Variants in PPP6R1 observed in about 807,000 individuals in gnomAD.
PPP6R1 encodes serine/threonine-protein phosphatase 6 regulatory subunit 1.
PPP6R1 carries 39 observed loss-of-function variants against 104.6 expected under a neutral mutation model. That is an observed-to-expected ratio of 0.37 (90% CI 0.29 to 0.49). The LOEUF is 0.49. PPP6R1 is among the 20% of genes least tolerant of loss of function. The probability of loss-of-function intolerance (pLI) is 0.98; values close to 1 mark genes in which losing one functional copy is unlikely to be tolerated. For missense variants in PPP6R1, 1,181 were observed against 1,155.8 expected (o/e 1.02, Z -0.32); for synonymous variants, 549 against 479.0 (o/e 1.15, Z -1.91).
rs1163434960 is a variant in PPP6R1 at position 55,232,341 on chromosome 19, G to C, written c.1989-130C>G. ...GACAGGCAGGTCACAGAAGGGTCCA[G>C]GGAGCCTGGGGTGTGACGACACCAG... is the stretch of plus-strand genomic sequence containing the variant. On this transcript the variant is annotated intron_variant, in intron 17 of 23. Coordinates refer to ENST00000412770, the MANE Select transcript of PPP6R1 (RefSeq NM_014931.4). 35 of 1,377,354 alleles carry C rather than the reference G, an allele frequency of 2.5e-5. No homozygotes were observed. The Admixed American group carries it at 1.0e-3, about 40-fold the overall frequency. The allele number at this position is 1,377,354 out of a possible 1,614,324, so 85.3% of individuals were successfully genotyped here.
chr19:55,232,554 G>A (rs1347518319), intron 17 of PPP6R1: 1 of 292,758 alleles, frequency 3.4e-6, no homozygotes, highest in Non-Finnish European at 6.4e-6. Context: ...CCACCTCCCA[G>A]CCGTCACCTC....
chr19:55,243,656 A>C (rs573355432), intron 5 of PPP6R1, among the ~76,000 whole-genome samples: 1 of 152,074 alleles, frequency 6.6e-6, no homozygotes, highest in South Asian at 2.1e-4. Flanking sequence ...ACAGAGCAAG[A>C]CACTGTCTCA....
intron 15 of PPP6R1, among the ~76,000 whole-genome samples, chr19:55,238,462 T>C (rs2087418999): frequency 6.6e-6 from 1 of 152,118 alleles, no homozygotes; most frequent in Non-Finnish European, 1.5e-5. Flanking sequence ...TAACCAGCTA[T>C]GTCCTGGGGC....
intron 18 of PPP6R1, 28 bp from the exon 19 acceptor site, chr19:55,232,010 G>C: frequency 6.2e-7 from 1 of 1,608,602 alleles, no homozygotes; most frequent in Non-Finnish European, 8.5e-7. Context: ...GAGCGGGATG[G>C]AGGGTGAACT....
Position 55,245,484 on chromosome 19 carries a change from C to T in PPP6R1, c.414+8G>A. ...CCCACGGTGGCGCCAGGGTGGGGGCCAGGGCACCTGGTCTGTCTTGCGGTT... is the reference window on the plus strand; with the variant it reads ...CCCACGGTGGCGCCAGGGTGGGGGCTAGGGCACCTGGTCTGTCTTGCGGTT... On this transcript the variant is annotated splice_region_variant and intron_variant, in intron 3 of 23. Coordinates refer to ENST00000412770, the MANE Select transcript of PPP6R1 (RefSeq NM_014931.4). This position sits in a 1 kb window ranked among gnomAD's most constrained non-coding sequence, Gnocchi z 6.4. 2 of 1,609,606 alleles carry T rather than the reference C, an allele frequency of 1.2e-6. No homozygotes were observed. The highest frequency in any genetic ancestry group is 1.7e-6 in the Non-Finnish European group (2 of 1,177,980).
chr19:55,237,878 A>G (rs2087413532), intron 15 of PPP6R1, among the ~76,000 whole-genome samples: 1 of 152,180 alleles, frequency 6.6e-6, no homozygotes, highest in Non-Finnish European at 1.5e-5. Flanking sequence ...TGATCAAACC[A>G]GTCATCCACT....
At position 55,258,442 on chromosome 19, in the gene PPP6R1, G is replaced by A. The variant is rs1230226828; in HGVS notation, c.-14C>T. On this transcript the variant is annotated 5_prime_UTR_variant, in exon 1 of 24. Transcript: ENST00000412770. The stretch of plus-strand genomic sequence containing the variant: ...GCGACGCGGGCCGCTCACCTGCGAG[G>A]GGGGGCGGCGGCTCCTCGCACTCGG... 1 of 151,236 alleles carries A rather than the reference G, an allele frequency of 6.6e-6. No homozygotes were observed. Among genetic ancestry groups the A allele is most frequent in the Non-Finnish European group, 1.5e-5 (1 of 67,564 alleles). 9.4% of individuals were successfully genotyped at this position (151,236 alleles called of 1,614,324 possible). A position where few individuals can be genotyped will look rare whatever the true frequency, so the allele number is the denominator to read the frequency against.
At chr19:55,252,256 GTCTC>G (rs1391202718) in intron 1 of PPP6R1, among the ~76,000 whole-genome samples, 1 of 152,054 alleles carries the variant, frequency 6.6e-6, no homozygotes, top group Non-Finnish European at 1.5e-5. Flanking sequence ...TTGAGACAGA[GTCTC>G]TCTCTGTCAC....
intron 1 of PPP6R1, among the ~76,000 whole-genome samples, chr19:55,250,345 T>G (rs1009642709): frequency 3.9e-5 from 6 of 152,310 alleles, no homozygotes; most frequent in Admixed American, 2.6e-4. Context: ...GCTGGCACTC[T>G]CAGCTTTCAG....
chr19:55,236,454 C>T, intron 17 of PPP6R1, 189 bp downstream of exon 17: 4 of 639,010 alleles, frequency 6.3e-6, no homozygotes, highest in Non-Finnish European at 1.0e-5. Context: ...ATTACATGAG[C>T]CCACCATGCT....
chr19:55,235,942 G>A (rs1351383244), intron 17 of PPP6R1, among the ~76,000 whole-genome samples: 7 of 143,992 alleles, frequency 4.9e-5, no homozygotes, highest in Non-Finnish European at 7.5e-5. Flanking sequence ...AGGGTAAAGC[G>A]ATCCTTCCAC....
rs202148383 is a variant in PPP6R1, at chr19:55,241,520, G to A, written c.965C>T (p.Pro322Leu). The A allele has an allele frequency of 2.7e-5, 42 of 1,584,768 alleles. No homozygotes were observed. Among genetic ancestry groups the A allele is most frequent in the African/African-American group, 1.7e-4 (13 of 74,316 alleles). The change falls in exon 8 of 24, where the codon CCG (proline) becomes CTG (leucine). Residue 322 changes from proline to leucine, a missense_variant. Transcript: ENST00000412770. This position sits in a 1 kb window ranked among gnomAD's most constrained non-coding sequence, Gnocchi z 5.4. The stretch of plus-strand genomic sequence containing the variant: ...GAGCTGGTGGAAGCAGCTGAGCCGC[G>A]GGCGTAGGGCGTGCAAGGCGCCCAC... ...SSVGALHALR[P>L]RLSCFHQLLL... is the part of the protein sequence containing the mutation.
chr19:55,240,859 G>C (rs2087448943), intron 10 of PPP6R1, 86 bp downstream of exon 10: 4 of 1,502,218 alleles, frequency 2.7e-6, no homozygotes, highest in Non-Finnish European at 3.6e-6. Context: ...ACTTGTGGGA[G>C]GAAGGAGTGA....
rs774358186 is a variant in PPP6R1, at chr19:55,231,936, C to T, written c.2172G>A (p.Pro724=). 1.6e-5 allele frequency: 25 copies of T among 1,574,910 alleles called. No homozygotes were observed. In the Admixed American group the frequency reaches 3.8e-4, roughly 24 times the overall value. Residue 724 remains proline, a synonymous_variant, in exon 19 of 24, where the codon CCG becomes CCA. Transcript: ENST00000412770. ...CCTCCCCGGAGACTCGGGGGCTGGT[C>T]GGGGCATCTGTAGGCACTGGGTCAA... ...ATFDPVPTDA[P]TSPRVSGEEE...
chr19:55,240,797 C>T, intron 10 of PPP6R1, 148 bp downstream of exon 10: 1 of 1,174,792 alleles, frequency 8.5e-7, no homozygotes, highest in African/African-American at 1.6e-5. Flanking sequence ...TCTCCCTGGC[C>T]ATGCCTCCCA....
chr19:55,236,993 G>A, intron 15 of PPP6R1, 23 bp from the exon 16 acceptor site: 1 of 1,593,258 alleles, frequency 6.3e-7, no homozygotes, highest in Non-Finnish European at 8.6e-7. Context: ...GCAAGGCATG[G>A]TGAGAAGGTC....
chr19:55,239,786 A>C (rs1253513483), intron 13 of PPP6R1, 40 bp downstream of exon 13: 2 of 1,603,632 alleles, frequency 1.2e-6, no homozygotes, highest in Admixed American at 3.4e-5. Flanking sequence ...CAAGAGAGAG[A>C]AGCAGCAGGA....
At chr19:55,235,471 A>G (rs1298422814) in intron 17 of PPP6R1, among the ~76,000 whole-genome samples, 2 of 152,062 alleles carry the variant, frequency 1.3e-5, no homozygotes, top group Non-Finnish European at 2.9e-5. Context: ...TTTCAGCCAC[A>G]GAGATTATCC....
At chr19:55,244,538 G>C (rs11878718) in intron 5 of PPP6R1, among the ~76,000 whole-genome samples, 1 of 152,194 alleles carries the variant, frequency 6.6e-6, no homozygotes, top group Admixed American at 6.5e-5. Context: ...GGGCAGGGAC[G>C]GATGTGGGGC....
Sources: gnomAD v4.1 joint callset for allele counts (sites outside exome capture counted in the v4.1 genomes callset) on GRCh38, gnomAD v4.1.1 for gene constraint, Gnocchi (gnomAD v3.1) non-coding constraint, MANE v1.5 for transcripts, NCBI Gene and HGNC (gene_info 2026-07-23, HGNC 2026-07-21) for gene names.